RO60: variants seen among roughly 807,000 people sequenced by gnomAD.
RO60 encodes the protein RNA-binding protein RO60.
RO60 carries 20 observed loss-of-function variants against 55.3 expected under a neutral mutation model. That is an observed-to-expected ratio of 0.36 (90% CI 0.25 to 0.53). The LOEUF (loss-of-function observed/expected upper bound fraction) is 0.53, where lower values mean the gene tolerates loss of function less well. Among genes scored for constraint, RO60 ranks in the 20% least tolerant of loss-of-function variants. RO60 has a pLI of 0.92. For synonymous variants in RO60, 213 were observed against 213.6 expected (o/e 1.00, Z 0.02); for missense variants, 558 against 646.6 (o/e 0.86, Z 1.49).
At chr1:193,061,909 G>T (rs567079188) in intron 1 of RO60, among the ~76,000 whole-genome samples, 1 of 151,998 alleles carries the variant, frequency 6.6e-6, no homozygotes, top group South Asian at 2.1e-4. Flanking sequence ...GCTTGAACTC[G>T]GAGGGCGGAG....
intron 2 of RO60, 53 bp from the exon 3 acceptor site, chr1:193,075,767 G>A: frequency 7.3e-7 from 1 of 1,365,876 alleles, no homozygotes; most frequent in South Asian, 1.3e-5. Flanking sequence ...AACATGTTCT[G>A]TTTTTTTACT....
In RO60 at chr1:193,085,743, C is replaced by T. The variant is rs999368389; in HGVS notation, c.*1012C>T. The T allele has an allele frequency of 1.0e-6, 1 of 984,140 alleles. No individual in the cohort carries two copies. Among genetic ancestry groups the T allele is most frequent in the Non-Finnish European group, 1.2e-6 (1 of 829,244 alleles). The allele number at this position is 984,140 out of a possible 1,614,324, so 61.0% of individuals were successfully genotyped here. On this transcript the variant is annotated 3_prime_UTR_variant, in exon 9 of 9. Coordinates refer to ENST00000400968, the MANE Select transcript of RO60 (RefSeq NM_001173524.2). ...TATACATGTCAATGGCCTCTTTGTC[C>T]ATTATTCATTTTGTGGCAAAATATT...
downstream of RO60, chr1:193,091,684 A>G (rs1674866106): frequency 6.2e-7 from 1 of 1,611,890 alleles, no homozygotes; most frequent in African/African-American, 1.3e-5. Flanking sequence ...AAATCATTTT[A>G]GACATGGAGT....
chr1:193,081,818 C>T (rs938770158), intron 6 of RO60, among the ~76,000 whole-genome samples: 1 of 151,774 alleles, frequency 6.6e-6, no homozygotes, highest in African/African-American at 2.4e-5. Flanking sequence ...AATTATTTAA[C>T]GATTTGAAGC....
chr1:193,071,211 G>T (rs531884522), intron 2 of RO60, among the ~76,000 whole-genome samples: 125 of 152,284 alleles, frequency 8.2e-4, no homozygotes, highest in African/African-American at 2.9e-3. Context: ...TCACTTGCCT[G>T]CTGCTCACCT....
chr1:193,089,445 T>C lies in RO60; in HGVS notation c.*4714T>C, dbSNP rs2103089819. ...TAATTGGTGCATTTTTTAATTTGCT[T>C]TTTTGAAAATTATGAAGTTAAAATT... On this transcript the variant is annotated 3_prime_UTR_variant, in exon 9 of 9. Coordinates refer to ENST00000400968, the MANE Select transcript of RO60 (RefSeq NM_001173524.2). 1 of 152,318 alleles carries C rather than the reference T, an allele frequency of 6.6e-6. No homozygotes were observed. Among genetic ancestry groups the C allele is most frequent in the East Asian group, 1.9e-4 (1 of 5,190 alleles). The allele number at this position is 152,318 out of a possible 1,614,324, so 9.4% of individuals were successfully genotyped here.
intron 1 of RO60, chr1:193,060,121 T>C (rs1484040643): frequency 4.2e-6 from 5 of 1,202,196 alleles, no homozygotes; most frequent in Non-Finnish European, 5.3e-6. Context: ...CCGCGGCTTC[T>C]GCGCGGAGAG....
chr1:193,070,505 A>G (rs1489611893), intron 2 of RO60: 1 of 408,308 alleles, frequency 2.4e-6, no homozygotes, highest in Non-Finnish European at 5.0e-6. Flanking sequence ...AGTTCCACAA[A>G]AATCAACATG....
chr1:193,061,982 T>TAA (rs1482235194), intron 1 of RO60, among the ~76,000 whole-genome samples: 1 of 143,576 alleles, frequency 7.0e-6, no homozygotes, highest in Admixed American at 7.0e-5. Flanking sequence ...AGAGTCTGTC[T>TAA]CAAAAAAAAA....
At chr1:193,073,619 G>C (rs1256211946) in intron 2 of RO60, among the ~76,000 whole-genome samples, 1 of 152,102 alleles carries the variant, frequency 6.6e-6, no homozygotes, top group African/African-American at 2.4e-5. Flanking sequence ...TGTTGGCCAG[G>C]CTGGAGCACA....
Position 193,076,022 on chromosome 1 carries a change from T to C in RO60, c.783T>C (p.Asn261=), listed in dbSNP as rs1362387101. The C allele has an allele frequency of 6.2e-7, 1 of 1,606,386 alleles. No homozygotes were observed. The highest frequency in any genetic ancestry group is 2.2e-5 in the East Asian group (1 of 44,728). Reference sequence around the variant, plus strand: ...TAGTTAGAGAACATCTTTTAACAAATCACTTAAAGTCTAAAGAGGTGAGTG... The same window carrying C: ...TAGTTAGAGAACATCTTTTAACAAACCACTTAAAGTCTAAAGAGGTGAGTG... ...HRLVREHLLT[N]HLKSKEVWKA... The change falls in exon 3 of 9, where the codon AAT becomes AAC. Residue 261 remains asparagine, a synonymous_variant. Transcript: ENST00000400968.
chr1:193,069,605 G>C lies in RO60; in HGVS notation c.551G>C (p.Arg184Thr). ...RNGWSHKDLLRLSHLKPSSEG... is the reference protein window; with the variant it reads ...RNGWSHKDLLTLSHLKPSSEG... ...GGCTGGTCTCACAAAGATCTATTAA[G>C]ATTGTCACATCTTAAACCTTCCAGT... Residue 184 changes from arginine (R) to threonine (T), a missense_variant, in exon 2 of 9, where the codon AGA (arginine) becomes ACA (threonine). Transcript: ENST00000400968. The C allele has an allele frequency of 6.2e-7, 1 of 1,613,498 alleles. No individual in the cohort carries two copies. The highest frequency in any genetic ancestry group is 8.5e-7 in the Non-Finnish European group (1 of 1,179,522).
Position 193,081,437 on chromosome 1 carries a change from G to A in RO60, c.1160G>A (p.Gly387Asp), listed in dbSNP as rs1206076678. The change falls in exon 6 of 9, where the codon GGT becomes GAT. Residue 387 changes from glycine (G) to aspartate (D), a missense_variant. Transcript: ENST00000400968. ...GCTTCTATGAACCAAAGAGTTTTGG[G>A]TAGTATACTCAACGCTAGTACAGTT... ...VSASMNQRVL[G>D]SILNASTVAA... is the part of the protein sequence containing the mutation. The A allele has an allele frequency of 6.2e-7, 1 of 1,611,186 alleles. No individual in the cohort carries two copies. Among genetic ancestry groups the A allele is most frequent in the East Asian group, 2.2e-5 (1 of 44,744 alleles).
At position 193,085,250 on chromosome 1, in the gene RO60, G is replaced by GT. The variant is rs1674573832; in HGVS notation, c.*519_*520insT. ...AAACTAAGGCATTTGATTAAATTATGAATGAGTTTTACAAATTCCTTTCAG... is the reference window on the plus strand; with the variant it reads ...AAACTAAGGCATTTGATTAAATTATGTAATGAGTTTTACAAATTCCTTTCAG... On this transcript the variant is annotated 3_prime_UTR_variant, in exon 9 of 9. Coordinates refer to ENST00000400968, the MANE Select transcript of RO60 (RefSeq NM_001173524.2). The GT allele has an allele frequency of 8.8e-7, 1 of 1,138,772 alleles. No individual in the cohort carries two copies. Among genetic ancestry groups the GT allele is most frequent in the African/African-American group, 1.6e-5 (1 of 62,786 alleles). The allele number at this position is 1,138,772 out of a possible 1,614,324, so 70.5% of individuals were successfully genotyped here.
In RO60 at chr1:193,084,709, A is replaced by G. The variant is rs778582640; in HGVS notation, c.1595A>G (p.Asn532Ser). 1 of 1,613,142 alleles carries G rather than the reference A, an allele frequency of 6.2e-7. No homozygotes were observed. Among genetic ancestry groups the G allele is most frequent in the South Asian group, 1.1e-5 (1 of 90,798 alleles). ...ACTGGAGCTCTGGATGTAATTCGAA[A>G]TTTCACATTAGATATGATTTAACCA... ...FDTGALDVIRNFTLDMI is the reference protein window; with the variant it reads ...FDTGALDVIRSFTLDMI The change falls in exon 9 of 9, where the codon AAT (asparagine) becomes AGT (serine). Residue 532 changes from asparagine (N) to serine (S), a missense_variant. Transcript: ENST00000400968.
rs985487334 is a variant in RO60 at position 193,087,317 on chromosome 1, T to C, written c.*2586T>C. ...TTTTAGGATTACTGTTAAATTAATATTTGGGAAAATACTGCTTTTAAAAAC... is the reference window on the plus strand; with the variant it reads ...TTTTAGGATTACTGTTAAATTAATACTTGGGAAAATACTGCTTTTAAAAAC... On this transcript the variant is annotated 3_prime_UTR_variant, in exon 9 of 9. Coordinates refer to ENST00000400968, the MANE Select transcript of RO60 (RefSeq NM_001173524.2). 3.9e-4 allele frequency: 60 copies of C among 152,238 alleles called. No individual in the cohort carries two copies. Among genetic ancestry groups the C allele is most frequent in the African/African-American group, 1.3e-3 (56 of 41,564 alleles). The allele number at this position is 152,238 out of a possible 1,614,324, so 9.4% of individuals were successfully genotyped here.
Position 193,076,576 on chromosome 1 carries a change from G to C in RO60, c.877G>C (p.Val293Leu). The C allele has an allele frequency of 6.2e-7, 1 of 1,611,614 alleles. No homozygotes were observed. Among genetic ancestry groups the C allele is most frequent in the South Asian group, 1.1e-5 (1 of 90,486 alleles). Residue 293 changes from valine to leucine, a missense_variant, in exon 4 of 9, where the codon GTA becomes CTA. By Grantham distance (32) the Val-to-Leu change is conservative. Transcript: ENST00000400968. ...RNLGKMTANS[V>L]LEPGNSEVSL... ...TCTAGGAAAGATGACTGCTAATTCA[G>C]TACTTGAACCAGGAAATTCAGAAGT...
In RO60 at chr1:193,075,842, T is replaced by C. The variant is rs746417902; in HGVS notation, c.603T>C (p.Tyr201=). ...AAGGACTTGCAATTGTGACCAAATA[T>C]ATTACAAAGGGCTGGAAAGAAGTTC... ...SSEGLAIVTK[Y]ITKGWKEVHE... The change falls in exon 3 of 9, where the codon TAT becomes TAC. Residue 201 remains tyrosine, a synonymous_variant. Coordinates refer to ENST00000400968, the MANE Select transcript of RO60 (RefSeq NM_001173524.2). The C allele has an allele frequency of 1.9e-6, 3 of 1,607,188 alleles. No homozygotes were observed. The highest frequency in any genetic ancestry group is 2.2e-5 in the South Asian group (2 of 89,422).
At chr1:193,062,998 G>T (rs967313912) in intron 1 of RO60, among the ~76,000 whole-genome samples, 1 of 152,034 alleles carries the variant, frequency 6.6e-6, no homozygotes. Context: ...AAAAACATCT[G>T]GATACAACTT....
Sources: gnomAD v4.1 joint callset for allele counts (sites outside exome capture counted in the v4.1 genomes callset) on GRCh38, gnomAD v4.1.1 for gene constraint, MANE v1.5 for transcripts, NCBI Gene and HGNC (gene_info 2026-07-23, HGNC 2026-07-21) for gene names.